Variants in CIB4 observed in about 807,000 individuals in gnomAD.
The protein encoded by CIB4 is calcium and integrin binding family member 4, also known as calcium and integrin-binding family member 4.
CIB4 carries 25 observed loss-of-function variants against 25.8 expected under a neutral mutation model. The ratio of observed to expected loss-of-function variants is 0.97; its 90% CI spans 0.71 to 1.35. The LOEUF is 1.35. CIB4 is among the 40% of genes most tolerant of loss of function. The pLI is 0.00. For synonymous variants in CIB4, 75 were observed against 81.4 expected (o/e 0.92, Z 0.42); for missense variants, 235 against 228.2 (o/e 1.03, Z -0.19).
chr2:26,625,515 G>C (rs983692360), intron 3 of CIB4, among the ~76,000 whole-genome samples: 14 of 152,248 alleles, frequency 9.2e-5, no homozygotes, highest in South Asian at 6.2e-4. Context: ...ACCATGCCCG[G>C]CTAATTTTGT....
At chr2:26,615,529 T>C (rs1669075832) in intron 3 of CIB4, among the ~76,000 whole-genome samples, 2 of 152,206 alleles carry the variant, frequency 1.3e-5, no homozygotes, top group South Asian at 4.1e-4. Flanking sequence ...AGGAAGGAAC[T>C]GGCCCCAGGC....
At chr2:26,621,434 A>AT (rs1398465646) in intron 3 of CIB4, among the ~76,000 whole-genome samples, 3 of 152,162 alleles carry the variant, frequency 2.0e-5, no homozygotes, top group African/African-American at 7.2e-5. Flanking sequence ...TTTCAGTGGC[A>AT]TGCACATGTT....
intron 4 of CIB4, among the ~76,000 whole-genome samples, chr2:26,585,367 G>T (rs945739405): frequency 6.6e-6 from 1 of 151,878 alleles, no homozygotes; most frequent in Non-Finnish European, 1.5e-5. Context: ...TGCGGGGAGG[G>T]CCTGGGTGGA....
At chr2:26,638,361 C>G (rs576531851) in intron 2 of CIB4, among the ~76,000 whole-genome samples, 1 of 152,214 alleles carries the variant, frequency 6.6e-6, no homozygotes, top group Non-Finnish European at 1.5e-5. Context: ...AGAAGGGAGG[C>G]GTCCATAAGC....
At chr2:26,610,192 G>A (rs1465063783) in intron 3 of CIB4, among the ~76,000 whole-genome samples, 1 of 152,208 alleles carries the variant, frequency 6.6e-6, no homozygotes, top group East Asian at 1.9e-4. Context: ...AGGGCACGCT[G>A]GGAACCATGT....
At chr2:26,620,934 A>T (rs1669193231) in intron 3 of CIB4, among the ~76,000 whole-genome samples, 1 of 152,168 alleles carries the variant, frequency 6.6e-6, no homozygotes, top group Non-Finnish European at 1.5e-5. Context: ...TTGAAGATAA[A>T]GTGGAGGAAA....
intron 2 of CIB4, 145 bp downstream of exon 2, chr2:26,640,388 C>G: frequency 1.2e-6 from 1 of 816,742 alleles, no homozygotes; most frequent in South Asian, 2.0e-5. Flanking sequence ...CCATCCCTGC[C>G]TGCCGTGTCC....
At chr2:26,593,344 A>G (rs1224005561) in intron 4 of CIB4, among the ~76,000 whole-genome samples, 2 of 151,676 alleles carry the variant, frequency 1.3e-5, no homozygotes, top group African/African-American at 2.4e-5. Context: ...GTGTGTATAT[A>G]TACATATATA....
intron 3 of CIB4, among the ~76,000 whole-genome samples, chr2:26,613,345 G>A (rs377155883): frequency 6.6e-6 from 1 of 152,146 alleles, no homozygotes; most frequent in Non-Finnish European, 1.5e-5. Context: ...TGTAAAGAAC[G>A]TATGTCTTCC....
chr2:26,626,873 A>G (rs1669320081), intron 3 of CIB4, among the ~76,000 whole-genome samples: 1 of 152,174 alleles, frequency 6.6e-6, no homozygotes, highest in Non-Finnish European at 1.5e-5. Context: ...GACATGGAAG[A>G]GAGGAACAGG....
At chr2:26,587,505 G>A (rs115185576) in intron 4 of CIB4, among the ~76,000 whole-genome samples, 1,975 of 151,992 alleles carry the variant, frequency 0.013, 49 homozygotes, top group African/African-American at 0.045. Flanking sequence ...TCTGTAAAAC[G>A]GGAGTAATAG....
intron 3 of CIB4, among the ~76,000 whole-genome samples, chr2:26,615,405 C>T (rs571729665): frequency 1.3e-5 from 2 of 152,162 alleles, no homozygotes; most frequent in East Asian, 3.9e-4. Context: ...CCAGGATGCC[C>T]TGGGAGAGCG....
At chr2:26,602,341 T>C (rs1191326389) in intron 3 of CIB4, among the ~76,000 whole-genome samples, 1 of 152,118 alleles carries the variant, frequency 6.6e-6, no homozygotes, top group African/African-American at 2.4e-5. Context: ...AGGGAGTCAT[T>C]CCAGGGAGTA....
At chr2:26,633,453 G>A (rs965499563) in intron 2 of CIB4, among the ~76,000 whole-genome samples, 1 of 152,094 alleles carries the variant, frequency 6.6e-6, no homozygotes, top group African/African-American at 2.4e-5. Context: ...GGGCTGTGCT[G>A]CCCACCCCTA....
chr2:26,593,093 T>A (rs1442530091), intron 4 of CIB4, among the ~76,000 whole-genome samples: 2 of 152,136 alleles, frequency 1.3e-5, no homozygotes, highest in Admixed American at 1.3e-4. Context: ...GGGGGAAGGA[T>A]GAATTTGTAC....
intron 2 of CIB4, among the ~76,000 whole-genome samples, chr2:26,638,941 G>T (rs1230587114): frequency 6.7e-6 from 1 of 150,268 alleles, no homozygotes; most frequent in Non-Finnish European, 1.5e-5. Context: ...GACAGAGCAA[G>T]ACTCTGTCTC....
chr2:26,601,231 A>AAAAAATATATATAT (rs1395827334), intron 3 of CIB4, among the ~76,000 whole-genome samples: 3 of 17,230 alleles, frequency 1.7e-4, no homozygotes, highest in African/African-American at 4.5e-4. Context: ...AAAAAAAAAA[A>AAAAAATATATATAT]ATATATATAT....
In CIB4 at chr2:26,581,373, C is replaced by T; in HGVS notation, c.548G>A (p.Trp183Ter). The T allele has an allele frequency of 6.2e-7, 1 of 1,613,784 alleles. No individual in the cohort carries two copies. The highest frequency in any genetic ancestry group is 8.5e-7 in the Non-Finnish European group (1 of 1,179,810). Reference protein sequence around the residue: ...DFMNSFRIHFWGC With the variant: ...DFMNSFRIHF ...GTGTTTGCCGCTACATCAGCATCCC[C>T]AGAAGTGAATCCGAAAGGAGCTGAA... Residue 183 changes from tryptophan (W) to a stop codon, truncating the protein, a stop_gained, in exon 7 of 7, where the codon TGG (tryptophan) becomes TAG (stop). Coordinates refer to ENST00000288861, the MANE Select transcript of CIB4 (RefSeq NM_001029881.3). LOFTEE classifies it high-confidence loss of function.
chr2:26,609,313 G>GA (rs1223004819), intron 3 of CIB4, among the ~76,000 whole-genome samples: 4 of 152,092 alleles, frequency 2.6e-5, no homozygotes, highest in African/African-American at 7.2e-5. Context: ...GGGGGAAGAG[G>GA]AAGGGGAGAG....
Sources: allele counts gnomAD v4.1 joint callset (sites outside exome capture counted in the v4.1 genomes callset), GRCh38; gene constraint gnomAD v4.1.1; transcripts MANE v1.5; gene names NCBI Gene and HGNC (gene_info 2026-07-23, HGNC 2026-07-21).